Variants in SLC60A2 observed in about 807,000 individuals in gnomAD.
The protein encoded by SLC60A2 is major facilitator superfamily domain containing 4B.
At chr6:111,262,169 C>CT in the SLC60A2 span, 20,081 of 1,060,344 alleles carry the variant, frequency 0.019, 144 homozygotes, top group South Asian at 0.058. Context: ...CTCCGCCCCC[C>CT]TTTTTTTTTA....
At chr6:111,259,514 A>C in the SLC60A2 span, 1 of 521,226 alleles carries the variant, frequency 1.9e-6, no homozygotes, top group African/African-American at 2.0e-5. Context: ...GGCGGCAGCA[A>C]GACGACTTCT....
chr6:111,278,815 C>G, the SLC60A2 span: 1 of 152,316 alleles, frequency 6.6e-6, no homozygotes, highest in East Asian at 1.9e-4. Flanking sequence ...AGTTCTTAGT[C>G]TTACTGAAGC....
the SLC60A2 span, chr6:111,266,682 G>A: frequency 1.2e-6 from 2 of 1,614,182 alleles, no homozygotes; most frequent in Non-Finnish European, 1.7e-6. Context: ...TGCAGTCATT[G>A]GAATTCTTCA....
At chr6:111,264,189 A>G in the SLC60A2 span, among the ~76,000 whole-genome samples, 2 of 152,228 alleles carry the variant, frequency 1.3e-5, no homozygotes, top group Admixed American at 6.5e-5. Flanking sequence ...TAATTGATTT[A>G]CATTGTCCAA....
chr6:111,260,611 T>G, the SLC60A2 span, among the ~76,000 whole-genome samples: 1 of 152,236 alleles, frequency 6.6e-6, no homozygotes. Context: ...GGAAACCTCC[T>G]CCTTATCACT....
chr6:111,261,560 A>T, the SLC60A2 span, among the ~76,000 whole-genome samples: 53 of 152,200 alleles, frequency 3.5e-4, no homozygotes, highest in African/African-American at 1.2e-3. Flanking sequence ...CTGGGATTAC[A>T]GGTGTAAGCA....
the SLC60A2 span, chr6:111,259,753 C>G: frequency 6.4e-7 from 1 of 1,561,138 alleles, no homozygotes; most frequent in South Asian, 1.2e-5. Flanking sequence ...GCAACACTCC[C>G]AGGCCGGGGC....
At chr6:111,276,773 G>A in the SLC60A2 span, among the ~76,000 whole-genome samples, 1 of 152,250 alleles carries the variant, frequency 6.6e-6, no homozygotes, top group African/African-American at 2.4e-5. Flanking sequence ...ACGATAAATG[G>A]GCTGCTCTCT....
chr6:111,274,008 C>T, the SLC60A2 span, among the ~76,000 whole-genome samples: 3 of 150,598 alleles, frequency 2.0e-5, no homozygotes, highest in Non-Finnish European at 4.5e-5. Context: ...GCATGAGCCA[C>T]TGTACCTAGC....
the SLC60A2 span, chr6:111,259,718 C>T: frequency 6.9e-6 from 11 of 1,596,618 alleles, no homozygotes; most frequent in Admixed American, 1.1e-4. Flanking sequence ...GTGCCTCCTT[C>T]CTGGGGCTGG....
At chr6:111,278,582 G>A in the SLC60A2 span, 3 of 152,130 alleles carry the variant, frequency 2.0e-5, no homozygotes, top group Non-Finnish European at 4.4e-5. Flanking sequence ...AGTCTCACGA[G>A]ATCTTTTGGT....
At chr6:111,263,999 T>A in the SLC60A2 span, 2 of 935,248 alleles carry the variant, frequency 2.1e-6, no homozygotes, top group Non-Finnish European at 3.5e-6. Flanking sequence ...CTAGAAGAAG[T>A]ACAGCAGATG....
chr6:111,266,333 C>T, the SLC60A2 span: 2 of 1,613,948 alleles, frequency 1.2e-6, no homozygotes, highest in South Asian at 2.2e-5. Flanking sequence ...CATTTGCAAC[C>T]ACCCATGCTG....
At chr6:111,262,212 A>G in the SLC60A2 span, 3 of 1,524,866 alleles carry the variant, frequency 2.0e-6, no homozygotes, top group Non-Finnish European at 2.7e-6. Context: ...GTTAGACATT[A>G]TTTTAATGAT....
At chr6:111,275,303 G>C in the SLC60A2 span, among the ~76,000 whole-genome samples, 1 of 151,912 alleles carries the variant, frequency 6.6e-6, no homozygotes, top group Admixed American at 6.6e-5. Context: ...ATTGCAGCTT[G>C]GTTTTGATAC....
At chr6:111,263,609 A>G in the SLC60A2 span, among the ~76,000 whole-genome samples, 2 of 152,230 alleles carry the variant, frequency 1.3e-5, no homozygotes, top group Admixed American at 1.3e-4. Context: ...GATTACTAGC[A>G]GTGCTTTAAA....
the SLC60A2 span, chr6:111,265,083 A>G: frequency 1.2e-5 from 2 of 164,810 alleles, no homozygotes; most frequent in African/African-American, 4.8e-5. Flanking sequence ...TCAAAAACAA[A>G]CAAACAGAAA....
the SLC60A2 span, among the ~76,000 whole-genome samples, chr6:111,272,996 A>G: frequency 2.0e-5 from 3 of 151,182 alleles, no homozygotes; most frequent in Non-Finnish European, 3.0e-5. Context: ...ATGCCCAGCC[A>G]ATTTTTGTGT....
the SLC60A2 span, chr6:111,263,731 A>G: frequency 1.6e-6 from 1 of 629,538 alleles, no homozygotes; most frequent in Non-Finnish European, 2.8e-6. Flanking sequence ...TATCTAATTT[A>G]AATTTGACCT....
Sources: gnomAD v4.1 joint callset for allele counts (sites outside exome capture counted in the v4.1 genomes callset) on GRCh38, gnomAD v4.1.1 for gene constraint, MANE v1.5 for transcripts, NCBI Gene and HGNC (gene_info 2026-07-23, HGNC 2026-07-21) for gene names.